The following FCHSD1 variants were observed in gnomAD, a reference collection of about 807,000 sequenced individuals.
The protein encoded by FCHSD1 is F-BAR and double SH3 domains protein 1.
In FCHSD1, 109 loss-of-function variants were observed where a neutral mutation model predicts 101.3. That is an observed-to-expected ratio of 1.08 (90% CI 0.92 to 1.26). FCHSD1 has a LOEUF of 1.26. Ranked by LOEUF, FCHSD1 falls within the 50% of genes most tolerant of loss-of-function variation. The pLI, the probability that FCHSD1 is intolerant of heterozygous loss-of-function variation, is 0.00. For missense variants in FCHSD1, 820 were observed against 895.8 expected (o/e 0.92, Z 1.08); for synonymous variants, 291 against 356.8 (o/e 0.82, Z 2.08).
Position 141,640,433 on chromosome 5 carries a change from G to A in FCHSD1, c.*1065C>T, listed in dbSNP as rs766941038. 3.7e-6 allele frequency: 6 copies of A among 1,614,182 alleles called. No homozygotes were observed. Among genetic ancestry groups the A allele is most frequent in the South Asian group, 1.1e-5 (1 of 91,088 alleles). ...TCAGGTGTCTCTACCACAGGGAGCA[G>A]GGAGTATGTGAGGTGAGTCTGCCTG... On this transcript the variant is annotated 3_prime_UTR_variant, in exon 20 of 20. Transcript: ENST00000435817.
In FCHSD1 at chr5:141,641,055, C is replaced by CA. The variant is rs2154598278; in HGVS notation, c.*442dup. On this transcript the variant is annotated 3_prime_UTR_variant, in exon 20 of 20. Transcript: ENST00000435817. ...TTTATTCATTGTCAATAAATCCGCT[C>CA]AGACCATTACAGCTGCTTCGCATCC... 3.0e-6 allele frequency: 1 copy of CA among 328,426 alleles called. No individual in the cohort carries two copies. Among genetic ancestry groups the CA allele is most frequent in the Admixed American group, 4.4e-5 (1 of 22,708 alleles). The allele number at this position is 328,426 out of a possible 1,614,324, so 20.3% of individuals were successfully genotyped here. A position where few individuals can be genotyped will look rare whatever the true frequency, so the allele number is the denominator to read the frequency against.
At chr5:141,648,217 A>G in intron 7 of FCHSD1, 121 bp from the exon 8 acceptor site, 1 of 1,261,174 alleles carries the variant, frequency 7.9e-7, no homozygotes, top group Non-Finnish European at 1.1e-6. Context: ...TGTGCCTGGC[A>G]CTACACTAAA....
intron 15 of FCHSD1, 71 bp from the exon 16 acceptor site, chr5:141,644,761 C>T (rs2099907442): frequency 6.2e-7 from 1 of 1,606,410 alleles, no homozygotes; most frequent in Non-Finnish European, 8.5e-7. Context: ...CTCTTCTACT[C>T]AGGCTTCTAG....
rs1329029383 is a variant in FCHSD1, at chr5:141,640,117, GC to G, written c.*1380del. Reference sequence around the variant, plus strand: ...AGGCCACAGCCCCAGGTCCTAGCCAGCCCCCCAGTACAGAATGGAGGACTCA... The same window carrying G: ...AGGCCACAGCCCCAGGTCCTAGCCAGCCCCCAGTACAGAATGGAGGACTCA... On this transcript the variant is annotated 3_prime_UTR_variant, in exon 20 of 20. Coordinates refer to ENST00000435817, the MANE Select transcript of FCHSD1 (RefSeq NM_033449.3). 1 of 1,613,772 alleles carries G rather than the reference GC, an allele frequency of 6.2e-7. No homozygotes were observed. The highest frequency in any genetic ancestry group is 1.3e-5 in the African/African-American group (1 of 74,908).
At position 141,646,699 on chromosome 5, in the gene FCHSD1, T is replaced by C. The variant is rs1252375604; in HGVS notation, c.948A>G (p.Ala316=). Residue 316 remains alanine, a synonymous_variant, in exon 11 of 20, where the codon GCA becomes GCG. Coordinates refer to ENST00000435817, the MANE Select transcript of FCHSD1 (RefSeq NM_033449.3). ...TDQVCVLEWG[A]EGVAGKSGLE... ...GGCCACTCTTGCCAGCCACGCCTTCTGCTCCCCACTCCAGGACACACACCT... is the reference window on the plus strand; with the variant it reads ...GGCCACTCTTGCCAGCCACGCCTTCCGCTCCCCACTCCAGGACACACACCT... 6.2e-7 allele frequency: 1 copy of C among 1,613,258 alleles called. No individual in the cohort carries two copies. Among genetic ancestry groups the C allele is most frequent in the Admixed American group, 1.7e-5 (1 of 59,956 alleles).
Position 141,639,372 on chromosome 5 carries a change from G to A in FCHSD1, c.*2126C>T. 9.4e-7 allele frequency: 1 copy of A among 1,062,494 alleles called. No individual in the cohort carries two copies. The highest frequency in any genetic ancestry group is 1.4e-6 in the Non-Finnish European group (1 of 737,122). The allele number at this position is 1,062,494 out of a possible 1,614,324, so 65.8% of individuals were successfully genotyped here. A position where few individuals can be genotyped will look rare whatever the true frequency, so the allele number is the denominator to read the frequency against. ...GGGCTTGGGGAAATTGGGGCTTCTGGGGTTTTAAGGAGCATGCTGAAAGAA... is the reference window on the plus strand; with the variant it reads ...GGGCTTGGGGAAATTGGGGCTTCTGAGGTTTTAAGGAGCATGCTGAAAGAA... On this transcript the variant is annotated 3_prime_UTR_variant, in exon 20 of 20. Coordinates refer to ENST00000435817, the MANE Select transcript of FCHSD1 (RefSeq NM_033449.3). This position sits in a 1 kb window ranked among gnomAD's most constrained non-coding sequence, Gnocchi z 4.4.
intron 8 of FCHSD1, 136 bp downstream of exon 8, chr5:141,647,832 T>G (rs468968): frequency 6.3e-6 from 8 of 1,272,864 alleles, no homozygotes; most frequent in Non-Finnish European, 8.7e-6. Context: ...AGAACCAGAG[T>G]GCATGTATGT....
Position 141,649,257 on chromosome 5 carries a change from C to A in FCHSD1, c.427G>T (p.Glu143Ter), listed in dbSNP as rs757019688. 6.2e-7 allele frequency: 1 copy of A among 1,614,002 alleles called. No homozygotes were observed. Residue 143 changes from glutamate to a stop codon, truncating the protein, a stop_gained, in exon 6 of 20, where the codon GAG becomes TAG. Coordinates refer to ENST00000435817, the MANE Select transcript of FCHSD1 (RefSeq NM_033449.3). LOFTEE classifies it high-confidence loss of function. The surrounding 1 kb of genome is among the most constrained non-coding windows in gnomAD (Gnocchi z 4.1). The part of the protein sequence containing the change: ...AQAEVLQSVR[E>*]LSRSRKLYGQ... ...TACAGCTTCCGACTTCGGCTCAGCT[C>A]CCGGACAGACTGCAGCACCTCAGCC...
Position 141,640,402 on chromosome 5 carries a change from T to C in FCHSD1, c.*1096A>G. 1 of 1,614,174 alleles carries C rather than the reference T, an allele frequency of 6.2e-7. No individual in the cohort carries two copies. Among genetic ancestry groups the C allele is most frequent in the Non-Finnish European group, 8.5e-7 (1 of 1,180,010 alleles). On this transcript the variant is annotated 3_prime_UTR_variant, in exon 20 of 20. Coordinates refer to ENST00000435817, the MANE Select transcript of FCHSD1 (RefSeq NM_033449.3). ...GGTCTCTCATTGTTGACCCCTCCCCTTTCTCTCAGGTGTCTCTACCACAGG... is the reference window on the plus strand; with the variant it reads ...GGTCTCTCATTGTTGACCCCTCCCCCTTCTCTCAGGTGTCTCTACCACAGG...
At position 141,640,978 on chromosome 5, in the gene FCHSD1, C is replaced by T. The variant is rs879261835; in HGVS notation, c.*520G>A. 4.4e-6 allele frequency: 2 copies of T among 456,986 alleles called. No individual in the cohort carries two copies. The highest frequency in any genetic ancestry group is 3.8e-5 in the Admixed American group (1 of 26,134). The allele number at this position is 456,986 out of a possible 1,614,324, so 28.3% of individuals were successfully genotyped here. On this transcript the variant is annotated 3_prime_UTR_variant, in exon 20 of 20. Coordinates refer to ENST00000435817, the MANE Select transcript of FCHSD1 (RefSeq NM_033449.3). ...CCCCTAAAGCAATAGCACCGTAGGC[C>T]CCCTGCCCTCTTAGCACAAGAGGCC...
Position 141,641,490 on chromosome 5 carries a change from C to T in FCHSD1, c.*8G>A. 2.0e-6 allele frequency: 3 copies of T among 1,482,606 alleles called. No individual in the cohort carries two copies. Among genetic ancestry groups the T allele is most frequent in the Non-Finnish European group, 2.7e-6 (3 of 1,116,656 alleles). 91.8% of individuals were successfully genotyped at this position (1,482,606 alleles called of 1,614,324 possible). A position where few individuals can be genotyped will look rare whatever the true frequency, so the allele number is the denominator to read the frequency against. On this transcript the variant is annotated 3_prime_UTR_variant, in exon 20 of 20. Coordinates refer to ENST00000435817, the MANE Select transcript of FCHSD1 (RefSeq NM_033449.3). ...CAGCATCACTGGGGGTCAAGGCTTC[C>T]CTGGCCTTCAGGTGAGGGGATCTGG...
Position 141,646,167 on chromosome 5 carries a change from G to T in FCHSD1, c.1069C>A (p.Arg357=), listed in dbSNP as rs774547067. 1 of 1,609,460 alleles carries T rather than the reference G, an allele frequency of 6.2e-7. No homozygotes were observed. Among genetic ancestry groups the T allele is most frequent in the Non-Finnish European group, 8.5e-7 (1 of 1,178,148 alleles). ...GCCTCCCGCTCTGAAGCCTGCTGCC[G>T]CCTCTGCTCCAGTCGTTGCAGTACC... ...HRVLQRLEQR[R]QQASEREAPS... The change falls in exon 12 of 20, where the codon CGG becomes AGG. Residue 357 remains arginine, a synonymous_variant. Transcript: ENST00000435817.
chr5:141,651,072 T>C lies in FCHSD1; in HGVS notation c.67A>G (p.Ser23Gly). The C allele has an allele frequency of 1.9e-6, 3 of 1,599,044 alleles. No homozygotes were observed. Among genetic ancestry groups the C allele is most frequent in the Non-Finnish European group, 2.6e-6 (3 of 1,172,632 alleles). The part of the protein sequence containing the change: ...EVKLRFLEQL[S>G]ILQTWQQREA... Reference sequence around the variant, plus strand: ...CTCTGCTGCCAGGTCTGAAGGATGCTCAGCTGTTCCAGGAAGCGAAGCTTC... The same window carrying C: ...CTCTGCTGCCAGGTCTGAAGGATGCCCAGCTGTTCCAGGAAGCGAAGCTTC... Residue 23 changes from serine (S) to glycine (G), a missense_variant, in exon 2 of 20, where the codon AGC becomes GGC. Coordinates refer to ENST00000435817, the MANE Select transcript of FCHSD1 (RefSeq NM_033449.3).
At chr5:141,648,479 G>A (rs1006737499) in intron 7 of FCHSD1, among the ~76,000 whole-genome samples, 1 of 152,104 alleles carries the variant, frequency 6.6e-6, no homozygotes, top group Non-Finnish European at 1.5e-5. Context: ...TCTTCTCTCT[G>A]CAATGTTCTT....
intron 12 of FCHSD1, 44 bp downstream of exon 12, chr5:141,646,043 T>C (rs1251027931): frequency 6.4e-7 from 1 of 1,571,188 alleles, no homozygotes; most frequent in Admixed American, 1.8e-5. Flanking sequence ...GGAGTGGGGC[T>C]TGCCTGAGAA....
At position 141,642,914 on chromosome 5, in the gene FCHSD1, A is replaced by G. The variant is rs2154598326; in HGVS notation, c.1951+87T>C. 3.0e-6 allele frequency: 4 copies of G among 1,343,256 alleles called. No homozygotes were observed. The South Asian group carries it at 5.3e-5, about 18-fold the overall frequency. The allele number at this position is 1,343,256 out of a possible 1,614,324, so 83.2% of individuals were successfully genotyped here. On this transcript the variant is annotated intron_variant, in intron 18 of 19. Transcript: ENST00000435817. ...CCAAGCAAGATGCCTGAAGGCACGGAGAGGACCAGAGCGTGACCTGGGAGT... is the reference window on the plus strand; with the variant it reads ...CCAAGCAAGATGCCTGAAGGCACGGGGAGGACCAGAGCGTGACCTGGGAGT...
In FCHSD1 at chr5:141,647,205, A is replaced by C. The variant is rs183035645; in HGVS notation, c.854T>G (p.Leu285Arg). The change falls in exon 10 of 20, where the codon CTG becomes CGG. Residue 285 changes from leucine (L) to arginine (R), a missense_variant. Transcript: ENST00000435817. ...AAATACACCAGGCTCCTGAAGAAAC[A>C]GCTTCAGGTCTTGCTCCCAGCTTAC... ...SQVSWEQDLK[L>R]FLQEPGVFSP... 1.2e-4 allele frequency: 196 copies of C among 1,608,618 alleles called. 1 individual carries two copies. In the African/African-American group the frequency reaches 1.6e-3, roughly 13 times the overall value.
rs32955 is a variant in FCHSD1 at position 141,639,746 on chromosome 5, C to T, written c.*1752G>A. On this transcript the variant is annotated 3_prime_UTR_variant, in exon 20 of 20. Transcript: ENST00000435817. This position sits in a 1 kb window ranked among gnomAD's most constrained non-coding sequence, Gnocchi z 4.4. Reference sequence around the variant, plus strand: ...TGGGCCTTGGCTCTTTCCTCCTGGACTGGGAGCTCCGGCAGAAGTCAGGCT... The same window carrying T: ...TGGGCCTTGGCTCTTTCCTCCTGGATTGGGAGCTCCGGCAGAAGTCAGGCT... 180,958 of 1,340,826 alleles carry T rather than the reference C, an allele frequency of 0.13. 14,039 individuals are homozygous for T. The highest frequency in any genetic ancestry group is 0.29 in the African/African-American group (20,104 of 68,672). 83.1% of individuals were successfully genotyped at this position (1,340,826 alleles called of 1,614,324 possible).
rs1034212471 is a variant in FCHSD1, at chr5:141,651,376, C to T, written c.-8G>A. The T allele has an allele frequency of 1.5e-5, 24 of 1,552,628 alleles. No individual in the cohort carries two copies. The highest frequency in any genetic ancestry group is 1.8e-5 in the Non-Finnish European group (21 of 1,147,760). On this transcript the variant is annotated 5_prime_UTR_variant, in exon 1 of 20. Transcript: ENST00000435817. ...TCGGGGCGGCGGCTGCATCTCCGCT[C>T]CAGCAAGGCGGTCAGCCACTGGACT... is the stretch of plus-strand genomic sequence containing the variant.
Sources: allele counts gnomAD v4.1 joint callset (sites outside exome capture counted in the v4.1 genomes callset), GRCh38; gene constraint gnomAD v4.1.1; non-coding constraint Gnocchi (gnomAD v3.1); transcripts MANE v1.5; gene names NCBI Gene and HGNC (gene_info 2026-07-23, HGNC 2026-07-21).